TASP1: variants seen among roughly 807,000 people sequenced by gnomAD.
The protein encoded by TASP1 is threonine aspartase 1.
A neutral mutation model predicts 56.6 loss-of-function variants in TASP1; 16 were observed. The ratio of observed to expected loss-of-function variants is 0.28; its 90% CI spans 0.19 to 0.43. The LOEUF is 0.43. Ranked by LOEUF, TASP1 falls within the 20% of genes least tolerant of loss-of-function variation. The pLI, the probability that TASP1 is intolerant of heterozygous loss-of-function variation, is 1.00. For synonymous variants in TASP1, 179 were observed against 184.2 expected (o/e 0.97, Z 0.23); for missense variants, 393 against 511.6 (o/e 0.77, Z 2.24).
At chr20:13,625,761 G>A (rs1466088331) in intron 2 of TASP1, among the ~76,000 whole-genome samples, 1 of 152,140 alleles carries the variant, frequency 6.6e-6, no homozygotes, top group Non-Finnish European at 1.5e-5. Context: ...ACCACCAATT[G>A]CACCATTCCT....
At chr20:13,129,738 A>T in the TASP1 span, among the ~76,000 whole-genome samples, 2 of 152,234 alleles carry the variant, frequency 1.3e-5, no homozygotes, top group African/African-American at 4.8e-5. Flanking sequence ...ATCTGATCAC[A>T]GTGGAAGATC....
chr20:13,127,007 C>A, the TASP1 span, among the ~76,000 whole-genome samples: 1 of 152,226 alleles, frequency 6.6e-6, no homozygotes, highest in Admixed American at 6.5e-5. Flanking sequence ...TGTGCGCGCA[C>A]GTGAGCGTGC....
At chr20:13,155,848 T>A in the TASP1 span, among the ~76,000 whole-genome samples, 42 of 152,102 alleles carry the variant, frequency 2.8e-4, no homozygotes, top group Admixed American at 2.7e-3. Context: ...TAATAATAAG[T>A]TTTTTAGCAT....
At chr20:13,618,208 G>A (rs1431920881) in intron 4 of TASP1, among the ~76,000 whole-genome samples, 5 of 151,972 alleles carry the variant, frequency 3.3e-5, no homozygotes, top group African/African-American at 1.2e-4. Flanking sequence ...CCAGGAGTTC[G>A]AGACCAGCCT....
At chr20:13,112,981 G>A in the TASP1 span, among the ~76,000 whole-genome samples, 4 of 152,242 alleles carry the variant, frequency 2.6e-5, no homozygotes, top group East Asian at 1.9e-4. Flanking sequence ...TTAGGAGTTC[G>A]AGACCAGCCT....
chr20:13,243,064 G>A, the TASP1 span, among the ~76,000 whole-genome samples: 1 of 152,152 alleles, frequency 6.6e-6, no homozygotes, highest in African/African-American at 2.4e-5. Context: ...TTGAACTTTG[G>A]CTGTCTGGAC....
At chr20:13,309,199 C>G in the TASP1 span, among the ~76,000 whole-genome samples, 1 of 151,784 alleles carries the variant, frequency 6.6e-6, no homozygotes, top group African/African-American at 2.4e-5. Flanking sequence ...AGACTAAGCA[C>G]CAACTTCAAG....
At chr20:13,441,698 G>A (rs2043218028) in intron 11 of TASP1, among the ~76,000 whole-genome samples, 1 of 152,182 alleles carries the variant, frequency 6.6e-6, no homozygotes, top group Admixed American at 6.5e-5. Context: ...GTAGTGGCAA[G>A]GCAAGCATAA....
intron 12 of TASP1, among the ~76,000 whole-genome samples, chr20:13,432,724 T>C (rs1054528742): frequency 3.9e-5 from 6 of 152,272 alleles, no homozygotes; most frequent in South Asian, 2.1e-4. Flanking sequence ...AATCACTACA[T>C]TGGTAATAAA....
At chr20:13,438,846 G>A (rs552432089) in intron 11 of TASP1, among the ~76,000 whole-genome samples, 2,574 of 152,146 alleles carry the variant, frequency 0.017, 71 homozygotes, top group African/African-American at 0.056. Flanking sequence ...GTGGGCAAAG[G>A]ATATGAACAG....
the TASP1 span, among the ~76,000 whole-genome samples, chr20:13,185,381 G>A: frequency 9.4e-4 from 142 of 151,594 alleles, 2 homozygotes; most frequent in Non-Finnish European, 1.5e-3. Context: ...CTTAGGTTCC[G>A]CCTTCCTCAG....
intron 6 of TASP1, among the ~76,000 whole-genome samples, chr20:13,571,237 C>T (rs1341631567): frequency 1.3e-5 from 2 of 152,112 alleles, no homozygotes. Flanking sequence ...ACTATCTACC[C>T]TTTCCTCAAC....
chr20:13,218,432 C>T, the TASP1 span, among the ~76,000 whole-genome samples: 1 of 152,004 alleles, frequency 6.6e-6, no homozygotes, highest in Non-Finnish European at 1.5e-5. Context: ...AAACTAGATA[C>T]TGGGATGGAG....
At chr20:13,500,261 G>A (rs574455880) in intron 10 of TASP1, among the ~76,000 whole-genome samples, 1 of 132,092 alleles carries the variant, frequency 7.6e-6, no homozygotes, top group African/African-American at 2.8e-5. Flanking sequence ...CTGTGTATGT[G>A]TGTATATATA....
At chr20:13,189,418 C>A in the TASP1 span, among the ~76,000 whole-genome samples, 1 of 152,110 alleles carries the variant, frequency 6.6e-6, no homozygotes, top group Non-Finnish European at 1.5e-5. Flanking sequence ...TGACAAAGAG[C>A]TAATATCCAG....
chr20:13,311,356 C>T, the TASP1 span, among the ~76,000 whole-genome samples: 1 of 151,960 alleles, frequency 6.6e-6, no homozygotes, highest in African/African-American at 2.4e-5. Context: ...TTGCTACAGC[C>T]ATTATGGGAA....
chr20:13,614,804 G>C (rs1472120405), intron 4 of TASP1: 3 of 469,494 alleles, frequency 6.4e-6, no homozygotes, highest in Non-Finnish European at 1.3e-5. Flanking sequence ...CTTTGTTTTA[G>C]TTGGATTCTT....
chr20:13,358,029 T>C, the TASP1 span, among the ~76,000 whole-genome samples: 135 of 152,206 alleles, frequency 8.9e-4, no homozygotes, highest in African/African-American at 3.0e-3. Flanking sequence ...AAAAGAAGTG[T>C]AAATGGCCGG....
intron 11 of TASP1, among the ~76,000 whole-genome samples, chr20:13,473,888 C>T (rs896035400): frequency 6.6e-6 from 1 of 152,076 alleles, no homozygotes; most frequent in African/African-American, 2.4e-5. Context: ...GCCTGGGCAA[C>T]ATAGTGAGAC....
Sources: gnomAD v4.1 joint callset for allele counts (sites outside exome capture counted in the v4.1 genomes callset) on GRCh38, gnomAD v4.1.1 for gene constraint, MANE v1.5 for transcripts, NCBI Gene and HGNC (gene_info 2026-07-23, HGNC 2026-07-21) for gene names.